The following MYMK variants were observed in gnomAD, a reference collection of about 807,000 sequenced individuals.
MYMK encodes the protein protein myomaker.
Under a neutral mutation model 22.4 loss-of-function variants are expected in MYMK, and 16 were observed. That is an observed-to-expected ratio of 0.72 (90% CI 0.48 to 1.09). The LOEUF (loss-of-function observed/expected upper bound fraction) is 1.09. Among genes scored for constraint, MYMK ranks in the 50% least tolerant of loss-of-function variants. The probability of loss-of-function intolerance (pLI) is 0.00; values close to 1 mark genes in which losing one functional copy is unlikely to be tolerated. For missense variants in MYMK, 250 were observed against 295.6 expected (o/e 0.85, Z 1.13); for synonymous variants, 125 against 127.0 (o/e 0.98, Z 0.11).
rs749807265 is a variant in MYMK at position 133,524,791 on chromosome 9, G to A, written c.54C>T (p.Phe18=). ...LLLPTLSSLA[F]LPTVSIAAKR... is the part of the protein sequence containing the mutation. ...TGGCCGCGATGCTGACAGTGGGGAG[G>A]AAGGCCAGGCTGCTGAGGGTGGGCA... Residue 18 remains phenylalanine (F), a synonymous_variant, in exon 1 of 5, where the codon TTC becomes TTT. Transcript: ENST00000339996. 6.2e-7 allele frequency: 1 copy of A among 1,613,972 alleles called. No homozygotes were observed. Among genetic ancestry groups the A allele is most frequent in the African/African-American group, 1.3e-5 (1 of 74,936 alleles).
At chr9:133,522,347 G>GGC (rs1222671371) in intron 1 of MYMK, among the ~76,000 whole-genome samples, 1 of 151,974 alleles carries the variant, frequency 6.6e-6, no homozygotes, top group African/African-American at 2.4e-5. Context: ...GGCTGTCGGG[G>GGC]GGGGGCCTCC....
Position 133,524,950 on chromosome 9 carries a change from G to A in MYMK, c.-106C>T. The A allele has an allele frequency of 7.4e-7, 1 of 1,360,292 alleles. No homozygotes were observed. The allele number at this position is 1,360,292 out of a possible 1,614,324, so 84.3% of individuals were successfully genotyped here. ...GCCAGCTCCCTTTGGGCAGGGCTCTGATGGCAGCTGCGGGGAGCACCCACA... is the reference window on the plus strand; with the variant it reads ...GCCAGCTCCCTTTGGGCAGGGCTCTAATGGCAGCTGCGGGGAGCACCCACA... On this transcript the variant is annotated 5_prime_UTR_variant, in exon 1 of 5. Transcript: ENST00000339996.
At chr9:133,516,868 C>T (rs531194736) in intron 3 of MYMK, among the ~76,000 whole-genome samples, 1 of 152,330 alleles carries the variant, frequency 6.6e-6, no homozygotes, top group African/African-American at 2.4e-5. Flanking sequence ...TGCCATTGCC[C>T]AACCCCTCCC....
At position 133,518,957 on chromosome 9, in the gene MYMK, C is replaced by G. The variant is rs145245299; in HGVS notation, c.316G>C (p.Val106Leu). 6.2e-6 allele frequency: 10 copies of G among 1,613,996 alleles called. No homozygotes were observed. Among genetic ancestry groups the G allele is most frequent in the South Asian group, 4.4e-5 (4 of 91,066 alleles). Reference protein sequence around the residue: ...FVMFGVLTIAVRIYHDRWGYG... With the variant: ...FVMFGVLTIALRIYHDRWGYG... ...CCCCATCGGTCATGGTAGATCCGCA[C>G]AGCAATGGTCAGGACGCCGAACATC... is the stretch of plus-strand genomic sequence containing the variant. The change falls in exon 3 of 5, where the codon GTG (valine) becomes CTG (leucine). Residue 106 changes from valine (V) to leucine (L), a missense_variant. Transcript: ENST00000339996.
intron 1 of MYMK, among the ~76,000 whole-genome samples, chr9:133,522,497 G>A (rs1265616302): frequency 6.6e-6 from 1 of 152,212 alleles, no homozygotes; most frequent in Admixed American, 6.5e-5. Flanking sequence ...ACTTTGGGAG[G>A]GACTGAGTGT....
At chr9:133,517,572 A>G (rs1588265054) in intron 3 of MYMK, among the ~76,000 whole-genome samples, 3 of 152,000 alleles carry the variant, frequency 2.0e-5, no homozygotes, top group Non-Finnish European at 2.9e-5. Context: ...AGGCTGAGAC[A>G]GGAGAATCGC....
chr9:133,522,254 G>A (rs1193238372), intron 1 of MYMK, among the ~76,000 whole-genome samples: 1 of 152,212 alleles, frequency 6.6e-6, no homozygotes, highest in East Asian at 1.9e-4. Context: ...GGTGGGGTGG[G>A]TGCGGCTGAG....
rs920374459 is a variant in MYMK, at chr9:133,518,868, A to T, written c.399+6T>A. On this transcript the variant is annotated splice_donor_region_variant and intron_variant, in intron 3 of 4. Coordinates refer to ENST00000339996, the MANE Select transcript of MYMK (RefSeq NM_001080483.3). ...CCCCGTTCATCGAGGCTCGCGCAGT[A>T]CGCACCCACTTTGCCGCGATGATGA... 15 of 1,611,056 alleles carry T rather than the reference A, an allele frequency of 9.3e-6. No homozygotes were observed. Among genetic ancestry groups the T allele is most frequent in the Non-Finnish European group, 1.3e-5 (15 of 1,179,426 alleles).
At position 133,518,952 on chromosome 9, in the gene MYMK, C is replaced by A. The variant is rs1186079004; in HGVS notation, c.321G>T (p.Arg107=). ...CGTAGCCCCATCGGTCATGGTAGAT[C>A]CGCACAGCAATGGTCAGGACGCCGA... ...VMFGVLTIAV[R]IYHDRWGYGV... The change falls in exon 3 of 5, where the codon CGG becomes CGT. Residue 107 remains arginine (R), a synonymous_variant. Coordinates refer to ENST00000339996, the MANE Select transcript of MYMK (RefSeq NM_001080483.3). The A allele has an allele frequency of 2.5e-6, 4 of 1,613,836 alleles. No homozygotes were observed. The highest frequency in any genetic ancestry group is 2.2e-5 in the East Asian group (1 of 44,896).
chr9:133,519,149 G>T, intron 2 of MYMK, 127 bp from the exon 3 acceptor site: 2 of 1,186,918 alleles, frequency 1.7e-6, no homozygotes, highest in East Asian at 5.0e-5. Context: ...CTCAGCCAGC[G>T]AGACCCTGAG....
chr9:133,523,931 T>C (rs1408741412), intron 1 of MYMK, among the ~76,000 whole-genome samples: 2 of 137,784 alleles, frequency 1.5e-5, no homozygotes, highest in Admixed American at 7.0e-5. Context: ...AAACACAGAG[T>C]GAAAGAGACC....
intron 3 of MYMK, among the ~76,000 whole-genome samples, chr9:133,518,640 A>T (rs1247471233): frequency 6.6e-6 from 1 of 152,184 alleles, no homozygotes; most frequent in African/African-American, 2.4e-5. Context: ...GAGGTGAGAC[A>T]TTGGGTAACT....
chr9:133,521,220 C>T (rs1844699530), intron 1 of MYMK, among the ~76,000 whole-genome samples: 1 of 152,236 alleles, frequency 6.6e-6, no homozygotes, highest in Admixed American at 6.5e-5. Flanking sequence ...ACTCTCTCTC[C>T]TTTTGCATTC....
At chr9:133,517,589 C>A (rs941449658) in intron 3 of MYMK, among the ~76,000 whole-genome samples, 1 of 151,828 alleles carries the variant, frequency 6.6e-6, no homozygotes, top group African/African-American at 2.4e-5. Context: ...TCGCTTCAAC[C>A]CGGGAGGCGG....
chr9:133,518,826 T>C, intron 3 of MYMK, 48 bp downstream of exon 3: 1 of 1,578,660 alleles, frequency 6.3e-7, no homozygotes, highest in Middle Eastern at 1.8e-4. Context: ...AGGGGAGAGG[T>C]GACGGGCCTC....
chr9:133,524,053 CA>C (rs1160042257), intron 1 of MYMK, among the ~76,000 whole-genome samples: 9 of 151,850 alleles, frequency 5.9e-5, no homozygotes, highest in African/African-American at 1.9e-4. Context: ...TAAGATCACC[CA>C]ATGACAGGTA....
Position 133,515,462 on chromosome 9 carries a change from A to T in MYMK, c.516+29T>A. ...AGCCATGCCGAGTGGGCTCTGGGGC[A>T]CAGGACACCTCCCCGCTGGGCTTGG... On this transcript the variant is annotated intron_variant, in intron 4 of 4. Coordinates refer to ENST00000339996, the MANE Select transcript of MYMK (RefSeq NM_001080483.3). The surrounding 1 kb of genome is among the most constrained non-coding windows in gnomAD (Gnocchi z 5.8). 1 of 1,479,400 alleles carries T rather than the reference A, an allele frequency of 6.8e-7. No individual in the cohort carries two copies. Among genetic ancestry groups the T allele is most frequent in the Non-Finnish European group, 9.4e-7 (1 of 1,059,068 alleles). 91.6% of individuals were successfully genotyped at this position (1,479,400 alleles called of 1,614,324 possible).
rs572060221 is a variant in MYMK, at chr9:133,521,445, C to T, written c.136-1157G>A. Among the ~76,000 whole-genome samples, 20 of 152,158 alleles carry T rather than the reference C, an allele frequency of 1.3e-4. No individual in the cohort carries two copies. The South Asian group carries it at 1.5e-3, about 11-fold the overall frequency. ...TGGGTGATCTGGGGGGCAGGCAATTCGGGGTCAAAGTGGAGTGCTTCTACT... is the reference window on the plus strand; with the variant it reads ...TGGGTGATCTGGGGGGCAGGCAATTTGGGGTCAAAGTGGAGTGCTTCTACT... On this transcript the variant is annotated intron_variant, in intron 1 of 4. Coordinates refer to ENST00000339996, the MANE Select transcript of MYMK (RefSeq NM_001080483.3).
intron 2 of MYMK, among the ~76,000 whole-genome samples, chr9:133,519,334 A>G (rs1342409062): frequency 6.6e-6 from 1 of 152,162 alleles, no homozygotes; most frequent in Non-Finnish European, 1.5e-5. Flanking sequence ...TGGGAGGCAG[A>G]GGCAGGAGGA....
Sources: gnomAD v4.1 joint callset for allele counts (sites outside exome capture counted in the v4.1 genomes callset) on GRCh38, gnomAD v4.1.1 for gene constraint, Gnocchi (gnomAD v3.1) non-coding constraint, MANE v1.5 for transcripts, NCBI Gene and HGNC (gene_info 2026-07-23, HGNC 2026-07-21) for gene names.